Variants in ZHX2 observed in about 807,000 individuals in gnomAD.
ZHX2 encodes the protein zinc fingers and homeoboxes 2.
In ZHX2, 6 loss-of-function variants were observed where a neutral mutation model predicts 21.9. The ratio of observed to expected loss-of-function variants is 0.27; its 90% CI spans 0.15 to 0.54. The LOEUF is 0.54. ZHX2 is among the 20% of genes least tolerant of loss of function. The pLI, the probability that ZHX2 is intolerant of heterozygous loss-of-function variation, is 0.95. For missense variants in ZHX2, 908 were observed against 1,090.7 expected (o/e 0.83, Z 2.36); for synonymous variants, 434 against 437.1 (o/e 0.99, Z 0.09).
At chr8:122,965,840 T>A (rs142410805) in intron 3 of ZHX2, among the ~76,000 whole-genome samples, 2 of 152,326 alleles carry the variant, frequency 1.3e-5, no homozygotes, top group Admixed American at 6.5e-5. Context: ...TAGTACTATG[T>A]GCACATACAT....
intron 2 of ZHX2, among the ~76,000 whole-genome samples, chr8:122,927,313 G>A (rs1820882765): frequency 6.6e-6 from 1 of 152,136 alleles, no homozygotes. Context: ...TGGCCAACAT[G>A]GTGAAACGCC....
rs1162453156 is a variant in ZHX2 at position 122,953,676 on chromosome 8, C to G, written c.2166C>G (p.Asn722Lys). Residue 722 changes from asparagine (N) to lysine (K), a missense_variant, in exon 3 of 4, where the codon AAC becomes AAG. This residue lies in a region of ZHX2 where 431 missense variants were observed against 428.6 expected (regional missense o/e 1.01). Transcript: ENST00000314393. This position sits in a 1 kb window ranked among gnomAD's most constrained non-coding sequence, Gnocchi z 4.6. ...AACCCATGGCCGAGAGCCCAAAGAACGGGGGTGATGTGGTTCCACAATATT... is the reference window on the plus strand; with the variant it reads ...AACCCATGGCCGAGAGCCCAAAGAAGGGGGGTGATGTGGTTCCACAATATT... ...ATKPMAESPK[N>K]GGDVVPQYYK... 6.2e-7 allele frequency: 1 copy of G among 1,614,198 alleles called. No individual in the cohort carries two copies.
intron 1 of ZHX2, among the ~76,000 whole-genome samples, chr8:122,810,892 C>G (rs904586753): frequency 2.6e-5 from 4 of 152,094 alleles, no homozygotes; most frequent in African/African-American, 9.7e-5. Flanking sequence ...GCTGCACCCA[C>G]TAGACTAGCA....
At chr8:122,831,775 T>G (rs1237775412) in intron 1 of ZHX2, among the ~76,000 whole-genome samples, 1 of 152,184 alleles carries the variant, frequency 6.6e-6, no homozygotes. Context: ...TTTTTGCAGT[T>G]AGGATACCCC....
intron 3 of ZHX2, among the ~76,000 whole-genome samples, chr8:122,972,380 C>T (rs901392085): frequency 6.6e-6 from 1 of 152,214 alleles, no homozygotes; most frequent in Non-Finnish European, 1.5e-5. Flanking sequence ...TTAAACATTT[C>T]TTCCTACTGA....
intron 3 of ZHX2, among the ~76,000 whole-genome samples, chr8:122,954,675 C>G (rs1157417853): frequency 6.6e-6 from 1 of 152,144 alleles, no homozygotes; most frequent in Non-Finnish European, 1.5e-5. Context: ...CCTACGTCCT[C>G]ATTTGTAAGG....
At chr8:122,948,003 C>G (rs1813020037) in intron 2 of ZHX2, among the ~76,000 whole-genome samples, 1 of 152,052 alleles carries the variant, frequency 6.6e-6, no homozygotes, top group Non-Finnish European at 1.5e-5. Flanking sequence ...TCTGGTTTGC[C>G]CCTGTCCTCT....
intron 1 of ZHX2, among the ~76,000 whole-genome samples, chr8:122,824,067 A>G (rs1818211126): frequency 6.6e-6 from 1 of 152,146 alleles, no homozygotes; most frequent in Non-Finnish European, 1.5e-5. Flanking sequence ...TGTTGAGCTC[A>G]ATATTTTTTC....
intron 1 of ZHX2, among the ~76,000 whole-genome samples, chr8:122,825,588 T>A (rs1255618422): frequency 6.6e-6 from 1 of 152,142 alleles, no homozygotes; most frequent in Non-Finnish European, 1.5e-5. Flanking sequence ...GTTTTTAGTC[T>A]CCTGACATAT....
At position 122,837,798 on chromosome 8, in the gene ZHX2, T is replaced by G. The variant is rs546087297; in HGVS notation, c.-282-25679T>G. Among the ~76,000 whole-genome samples the G allele has an allele frequency of 2.0e-5, 3 of 152,336 alleles. No homozygotes were observed. In the South Asian group the frequency reaches 6.2e-4, roughly 32 times the overall value. On this transcript the variant is annotated intron_variant, in intron 1 of 3. Coordinates refer to ENST00000314393, the MANE Select transcript of ZHX2 (RefSeq NM_014943.5). Reference sequence around the variant, plus strand: ...GCCAACAGATAATGTCTCCTGTCTTTGTCGGTGCTTAATGGCTTTTAGTAG... The same window carrying G: ...GCCAACAGATAATGTCTCCTGTCTTGGTCGGTGCTTAATGGCTTTTAGTAG...
chr8:122,874,438 A>G (rs1233542611), intron 2 of ZHX2, among the ~76,000 whole-genome samples: 2 of 152,162 alleles, frequency 1.3e-5, no homozygotes, highest in Non-Finnish European at 2.9e-5. Flanking sequence ...GGTTCAAGCA[A>G]TTCTCCTGCC....
At chr8:122,780,858 G>A (rs903760528), upstream of ZHX2, 1 of 152,302 alleles carries the variant, frequency 6.6e-6, no homozygotes, top group Admixed American at 6.5e-5. Context: ...GTTTAAGTCG[G>A]CCCCTGGGGC....
intron 3 of ZHX2, among the ~76,000 whole-genome samples, chr8:122,965,065 G>A (rs1205302964): frequency 1.4e-5 from 2 of 147,696 alleles, no homozygotes; most frequent in Admixed American, 6.7e-5. Context: ...CTCACAAGTG[G>A]TCTATCAATT....
chr8:122,910,783 AG>A (rs1441780686), intron 2 of ZHX2, among the ~76,000 whole-genome samples: 1 of 152,090 alleles, frequency 6.6e-6, no homozygotes, highest in Non-Finnish European at 1.5e-5. Flanking sequence ...GACACTAACC[AG>A]GGGCAAGGGA....
At chr8:122,826,703 T>C (rs1818272730) in intron 1 of ZHX2, among the ~76,000 whole-genome samples, 1 of 151,992 alleles carries the variant, frequency 6.6e-6, no homozygotes, top group Admixed American at 6.6e-5. Context: ...TAAGGGGCGA[T>C]TGTCTTTGGA....
intron 1 of ZHX2, among the ~76,000 whole-genome samples, chr8:122,846,798 C>T (rs908688987): frequency 6.6e-6 from 1 of 152,066 alleles, no homozygotes; most frequent in African/African-American, 2.4e-5. Context: ...CAACAATAGG[C>T]ATTTGTAGAG....
chr8:122,876,609 G>T (rs959626659), intron 2 of ZHX2, among the ~76,000 whole-genome samples: 15 of 152,188 alleles, frequency 9.9e-5, no homozygotes, highest in Non-Finnish European at 1.3e-4. Flanking sequence ...GCAATTGAGG[G>T]TTGTCACTTT....
At chr8:122,908,771 A>G (rs1421824869) in intron 2 of ZHX2, among the ~76,000 whole-genome samples, 1 of 152,208 alleles carries the variant, frequency 6.6e-6, no homozygotes, top group Non-Finnish European at 1.5e-5. Context: ...GGTAAGAATG[A>G]TGAAGTGAGA....
chr8:122,859,476 G>A (rs1819111014), intron 1 of ZHX2, among the ~76,000 whole-genome samples: 1 of 152,226 alleles, frequency 6.6e-6, no homozygotes, highest in Non-Finnish European at 1.5e-5. Context: ...GCATTAATTA[G>A]GGTAAGAGTG....
Sources: gnomAD v4.1 joint callset for allele counts (sites outside exome capture counted in the v4.1 genomes callset) on GRCh38, gnomAD v4.1.1 for gene constraint, gnomAD v4.1.1 regional missense constraint, Gnocchi (gnomAD v3.1) non-coding constraint, MANE v1.5 for transcripts, NCBI Gene and HGNC (gene_info 2026-07-23, HGNC 2026-07-21) for gene names.